COL11A1: variants seen among roughly 807,000 people sequenced by gnomAD.
COL11A1 encodes the protein collagen alpha-1(XI) chain.
COL11A1 carries 74 observed loss-of-function variants against 265.2 expected under a neutral mutation model. The ratio of observed to expected loss-of-function variants is 0.28; its 90% CI spans 0.23 to 0.34. The LOEUF is 0.34. Ranked by LOEUF, COL11A1 falls within the 10% of genes least tolerant of loss-of-function variation. The pLI is 1.00. For synonymous variants in COL11A1, 816 were observed against 727.6 expected, an observed-to-expected ratio of 1.12 and a Z score of -1.96; for missense variants, 2,165 against 2,263.6, an observed-to-expected ratio of 0.96 and a Z score of 0.88.
At chr1:103,023,280 TGTTA>T (rs1206339262) in intron 7 of COL11A1, among the ~76,000 whole-genome samples, 1 of 152,166 alleles carries the variant, frequency 6.6e-6, no homozygotes, top group African/African-American at 2.4e-5. Context: ...GGAAAAAACA[TGTTA>T]GTCAATTTCA....
chr1:102,963,942 T>C (rs1661161122), intron 38 of COL11A1, among the ~76,000 whole-genome samples: 2 of 152,174 alleles, frequency 1.3e-5, no homozygotes, highest in South Asian at 4.1e-4. Flanking sequence ...ATTATTCCCA[T>C]TAAACCAAAT....
chr1:102,913,903 A>G (rs1218063988), intron 52 of COL11A1, among the ~76,000 whole-genome samples: 2 of 152,306 alleles, frequency 1.3e-5, no homozygotes, highest in East Asian at 3.9e-4. Context: ...TAATATATCA[A>G]ATTTAAAATC....
At chr1:103,049,310 T>G (rs1435571649) in intron 4 of COL11A1, among the ~76,000 whole-genome samples, 1 of 152,232 alleles carries the variant, frequency 6.6e-6, no homozygotes, top group Non-Finnish European at 1.5e-5. Context: ...ATACTTAGGA[T>G]AGTTAGCTCT....
At position 102,935,138 on chromosome 1, in the gene COL11A1, T is replaced by A. The variant is rs756975444; in HGVS notation, c.3439-25A>T. The A allele has an allele frequency of 1.9e-6, 3 of 1,605,840 alleles. No individual in the cohort carries two copies. In the South Asian group the frequency reaches 3.3e-5, roughly 18 times the overall value. Reference sequence around the variant, plus strand: ...CCTGCAGTGAGATAAAAATAAGTAATTTTTAAAGTGAAGCCAGAAGAGCCT... The same window carrying A: ...CCTGCAGTGAGATAAAAATAAGTAAATTTTAAAGTGAAGCCAGAAGAGCCT... On this transcript the variant is annotated intron_variant, in intron 44 of 66. Coordinates refer to ENST00000370096, the MANE Select transcript of COL11A1 (RefSeq NM_001854.4).
Position 102,920,509 on chromosome 1 carries a change from A to T in COL11A1, c.3709-145T>A, listed in dbSNP as rs181313767. On this transcript the variant is annotated intron_variant, in intron 48 of 66. Transcript: ENST00000370096. ...AAAGAATGAGACTAAATGATGCTTA[A>T]TAGAATTGTCAAATGTGTTGGAAAG... 1.2e-4 allele frequency: 83 copies of T among 691,964 alleles called. 1 individual carries two copies. In the East Asian group the frequency reaches 1.6e-3, roughly 13 times the overall value. 42.9% of individuals were successfully genotyped at this position (691,964 alleles called of 1,614,324 possible).
At position 103,079,031 on chromosome 1, in the gene COL11A1, G is replaced by C. The variant is rs543522871; in HGVS notation, c.275-160C>G. The stretch of plus-strand genomic sequence containing the variant: ...AAATAAATAGGGGTCCTCCATTAAG[G>C]TTTCTCTTCAATTTTTATCCAAGCT... On this transcript the variant is annotated intron_variant, in intron 2 of 66. Transcript: ENST00000370096. Among the ~76,000 whole-genome samples, 101 of 152,056 alleles carry C rather than the reference G, an allele frequency of 6.6e-4. 1 individual carries two copies. Among genetic ancestry groups the C allele is most frequent in the African/African-American group, 2.4e-3 (100 of 41,492 alleles).
At chr1:103,073,808 G>T (rs1230127961) in intron 4 of COL11A1, among the ~76,000 whole-genome samples, 1 of 151,842 alleles carries the variant, frequency 6.6e-6, no homozygotes, top group Non-Finnish European at 1.5e-5. Context: ...ATATGTGTGT[G>T]TACACATCTG....
At position 103,025,504 on chromosome 1, in the gene COL11A1, C is replaced by T. The variant is rs1350851752; in HGVS notation, c.990+17G>A. 5 of 1,541,332 alleles carry T rather than the reference C, an allele frequency of 3.2e-6. No individual in the cohort carries two copies. In the South Asian group the frequency reaches 5.6e-5, roughly 17 times the overall value. Reference sequence around the variant, plus strand: ...TAAAAAGTGGGACTGTGATTTAATACTGTCTATACGTATTACCTCATTTGT... The same window carrying T: ...TAAAAAGTGGGACTGTGATTTAATATTGTCTATACGTATTACCTCATTTGT... On this transcript the variant is annotated intron_variant, in intron 7 of 66. Transcript: ENST00000370096.
chr1:102,965,368 GAA>G (rs1381206212), intron 38 of COL11A1, 117 bp downstream of exon 38: 11 of 1,037,326 alleles, frequency 1.1e-5, no homozygotes, highest in Middle Eastern at 4.2e-4. Flanking sequence ...AATGCAATCT[GAA>G]ATAAAAAATA....
Position 103,025,569 on chromosome 1 carries a change from C to T in COL11A1, c.942G>A (p.Met314Ile), listed in dbSNP as rs1667446056. The T allele has an allele frequency of 6.2e-7, 1 of 1,613,588 alleles. No individual in the cohort carries two copies. The highest frequency in any genetic ancestry group is 8.5e-7 in the Non-Finnish European group (1 of 1,179,856). ...DDFQEYNYGT[M>I]ESYQTEAPRH... ...TAGGAGCTTCTGTCTGGTAACTTTC[C>T]ATTGTTCCATAGTTGTATTCTTGAA... Residue 314 changes from methionine (M) to isoleucine (I), a missense_variant, in exon 7 of 67, where the codon ATG (methionine) becomes ATA (isoleucine). Transcript: ENST00000370096.
At chr1:103,011,457 T>C (rs553762652) in intron 14 of COL11A1, among the ~76,000 whole-genome samples, 1 of 151,982 alleles carries the variant, frequency 6.6e-6, no homozygotes, top group Non-Finnish European at 1.5e-5. Flanking sequence ...CTGCAAAATA[T>C]ATATAAAATT....
intron 3 of COL11A1, among the ~76,000 whole-genome samples, chr1:103,075,556 G>A (rs1435987658): frequency 5.9e-5 from 9 of 152,122 alleles, no homozygotes; most frequent in Non-Finnish European, 1.3e-4. Context: ...GGGAGACATG[G>A]CCAGCCCTTT....
At chr1:103,056,407 G>A (rs898353695) in intron 4 of COL11A1, among the ~76,000 whole-genome samples, 1 of 152,158 alleles carries the variant, frequency 6.6e-6, no homozygotes, top group Non-Finnish European at 1.5e-5. Flanking sequence ...TTTATGTTAT[G>A]TGAGAGAGAA....
chr1:103,063,936 G>A lies in COL11A1; in HGVS notation c.651+10682C>T, dbSNP rs564294437. ...AACAAGGAAGATATACAGATGGAAA[G>A]TAAGCCTATGAAAATATGTTCAACA... On this transcript the variant is annotated intron_variant, in intron 4 of 66. Transcript: ENST00000370096. Among the ~76,000 whole-genome samples the A allele has an allele frequency of 2.6e-5, 4 of 152,266 alleles. No individual in the cohort carries two copies. In the South Asian group the frequency reaches 6.2e-4, roughly 24 times the overall value.
intron 3 of COL11A1, among the ~76,000 whole-genome samples, chr1:103,075,745 C>A (rs1307611621): frequency 6.6e-6 from 1 of 152,026 alleles, no homozygotes; most frequent in Non-Finnish European, 1.5e-5. Flanking sequence ...AGGACTAGAT[C>A]CATAAAATAA....
chr1:103,090,378 G>T (rs1673222123), intron 1 of COL11A1, among the ~76,000 whole-genome samples: 2 of 152,126 alleles, frequency 1.3e-5, no homozygotes, highest in Admixed American at 1.3e-4. Context: ...GTAGTGAGAT[G>T]TAGGACTGAC....
At chr1:103,103,888 A>T (rs1054654194) in intron 1 of COL11A1, among the ~76,000 whole-genome samples, 1 of 152,032 alleles carries the variant, frequency 6.6e-6, no homozygotes, top group East Asian at 1.9e-4. Flanking sequence ...TAGAACTTGC[A>T]CTACTAAGTT....
chr1:102,920,772 C>T (rs911721226), intron 48 of COL11A1, among the ~76,000 whole-genome samples: 5 of 152,122 alleles, frequency 3.3e-5, no homozygotes, highest in African/African-American at 1.2e-4. Flanking sequence ...TTTTAAATTA[C>T]CTAAGAAGAA....
intron 13 of COL11A1, 91 bp downstream of exon 13, chr1:103,014,420 T>C: frequency 9.5e-7 from 1 of 1,055,396 alleles, no homozygotes; most frequent in Non-Finnish European, 1.5e-6. Flanking sequence ...AAATATTCTA[T>C]TAATAATGGT....
Sources: gnomAD v4.1 joint callset for allele counts (sites outside exome capture counted in the v4.1 genomes callset) on GRCh38, gnomAD v4.1.1 for gene constraint, MANE v1.5 for transcripts, NCBI Gene and HGNC (gene_info 2026-07-23, HGNC 2026-07-21) for gene names.